The following EIF2AK4 variants were observed in gnomAD, a reference collection of about 807,000 sequenced individuals.
The protein encoded by EIF2AK4 is eIF-2-alpha kinase GCN2.
A neutral mutation model predicts 211.1 loss-of-function variants in EIF2AK4; 139 were observed. That is an observed-to-expected ratio of 0.66 (90% confidence interval 0.57 to 0.76). The LOEUF (loss-of-function observed/expected upper bound fraction) is 0.76, where lower values mean the gene tolerates loss of function less well. Among genes scored for constraint, EIF2AK4 ranks in the 30% least tolerant of loss-of-function variants. EIF2AK4 has a pLI of 0.00. For missense variants in EIF2AK4, 1,664 were observed against 2,043.8 expected, an observed-to-expected ratio of 0.81 and a Z score of 3.58; for synonymous variants, 710 against 751.3, an observed-to-expected ratio of 0.94 and a Z score of 0.90.
At chr15:39,937,107 T>TA (rs2034076273) in intron 1 of EIF2AK4, among the ~76,000 whole-genome samples, 1 of 152,250 alleles carries the variant, frequency 6.6e-6, no homozygotes, top group Non-Finnish European at 1.5e-5. Flanking sequence ...AATTTATAGA[T>TA]AGTTACAAAT....
In EIF2AK4 at chr15:39,953,999, C is replaced by T. The variant is rs771041367; in HGVS notation, c.594+15C>T. ...TGGCTAAGCAGGTACCCTATCAACTCCACCATAATAATTTACATTTTGCAA... is the reference window on the plus strand; with the variant it reads ...TGGCTAAGCAGGTACCCTATCAACTTCACCATAATAATTTACATTTTGCAA... On this transcript the variant is annotated intron_variant, in intron 5 of 38. Coordinates refer to ENST00000263791, the MANE Select transcript of EIF2AK4 (RefSeq NM_001013703.4). 3.0e-5 allele frequency: 47 copies of T among 1,550,854 alleles called. No homozygotes were observed. Among genetic ancestry groups the T allele is most frequent in the Non-Finnish European group, 3.9e-5 (45 of 1,154,350 alleles).
At chr15:39,946,604 G>A (rs2034230985) in intron 3 of EIF2AK4, 3 of 701,416 alleles carry the variant, frequency 4.3e-6, no homozygotes, top group Non-Finnish European at 7.8e-6. Flanking sequence ...GGGTTGGAGA[G>A]GATTGACCCC....
intron 4 of EIF2AK4, among the ~76,000 whole-genome samples, chr15:39,951,008 A>T (rs752002775): frequency 2.0e-5 from 3 of 152,210 alleles, no homozygotes; most frequent in African/African-American, 7.2e-5. Flanking sequence ...ATGAATGAAA[A>T]TAGAAAAACG....
rs746528646 is a variant in EIF2AK4, at chr15:40,000,998, T to C, written c.2933T>C (p.Ile978Thr). The change falls in exon 21 of 39, where the codon ATC becomes ACC. Residue 978 changes from isoleucine (I) to threonine (T), a missense_variant. Coordinates refer to ENST00000263791, the MANE Select transcript of EIF2AK4 (RefSeq NM_001013703.4). ...DGEHAKQKSV[I>T]SWLLNHDPAK... Reference sequence around the variant, plus strand: ...TGGGTTTTATTGTAGAAATCAGTCATCTCCTGGCTGTTGAACCACGATCCA... The same window carrying C: ...TGGGTTTTATTGTAGAAATCAGTCACCTCCTGGCTGTTGAACCACGATCCA... The C allele has an allele frequency of 1.2e-6, 2 of 1,614,164 alleles. No individual in the cohort carries two copies. Among genetic ancestry groups the C allele is most frequent in the Admixed American group, 3.3e-5 (2 of 60,020 alleles).
chr15:40,014,489 C>A (rs1444421769), intron 27 of EIF2AK4, among the ~76,000 whole-genome samples: 1 of 152,242 alleles, frequency 6.6e-6, no homozygotes, highest in African/African-American at 2.4e-5. Flanking sequence ...GAAGCAACAG[C>A]CTGAGCTGTA....
intron 18 of EIF2AK4, among the ~76,000 whole-genome samples, chr15:39,995,810 G>A (rs73388563): frequency 0.043 from 6,526 of 152,198 alleles, 518 homozygotes; most frequent in African/African-American, 0.15. Context: ...GATTACCACA[G>A]CGAAGCTGAC....
intron 4 of EIF2AK4, among the ~76,000 whole-genome samples, 184 bp downstream of exon 4, chr15:39,949,452 C>T (rs1043407353): frequency 6.6e-6 from 1 of 152,146 alleles, no homozygotes; most frequent in Non-Finnish European, 1.5e-5. Context: ...CATATCAGTA[C>T]TGTCCCTTAG....
Position 40,003,181 on chromosome 15 carries a change from CA to C in EIF2AK4, c.3236-11del, listed in dbSNP as rs753845083. ...AACCTGATGATGAGCTATTTTTTCT[CA>C]TTTGGTGTAGGAGCTGTTCAGTTGT... is the stretch of plus-strand genomic sequence containing the variant. On this transcript the variant is annotated splice_polypyrimidine_tract_variant and intron_variant, in intron 22 of 38. Coordinates refer to ENST00000263791, the MANE Select transcript of EIF2AK4 (RefSeq NM_001013703.4). 104 of 1,610,210 alleles carry C rather than the reference CA, an allele frequency of 6.5e-5. No individual in the cohort carries two copies. Among genetic ancestry groups the C allele is most frequent in the Non-Finnish European group, 7.6e-5 (90 of 1,178,778 alleles).
intron 12 of EIF2AK4, chr15:39,977,486 AGTGGACCT>A (rs1179900059): frequency 6.9e-5 from 2 of 28,882 alleles, no homozygotes; most frequent in Non-Finnish European, 1.9e-4. Flanking sequence ...CCTAACAGGC[AGTGGACCT>A]GTACCTGTCC....
chr15:39,939,765 A>G, intron 2 of EIF2AK4, 148 bp downstream of exon 2: 1 of 564,214 alleles, frequency 1.8e-6, no homozygotes, highest in South Asian at 3.4e-5. Flanking sequence ...CTACATCAGC[A>G]ATAGATGTTT....
intron 9 of EIF2AK4, among the ~76,000 whole-genome samples, chr15:39,968,711 C>A (rs1365333704): frequency 6.6e-6 from 1 of 152,144 alleles, no homozygotes; most frequent in African/African-American, 2.4e-5. Context: ...CTTCCATTTG[C>A]AACATTTCTT....
chr15:39,937,759 C>T (rs1318621272), intron 1 of EIF2AK4, among the ~76,000 whole-genome samples: 1 of 152,068 alleles, frequency 6.6e-6, no homozygotes, highest in Non-Finnish European at 1.5e-5. Flanking sequence ...AAGTACGGGC[C>T]TAGGCCACCT....
intron 6 of EIF2AK4, among the ~76,000 whole-genome samples, chr15:39,961,045 C>A (rs1436278): frequency 0.074 from 11,204 of 152,118 alleles, 768 homozygotes; most frequent in Admixed American, 0.2. Context: ...CCCTGCAACC[C>A]TCTCCCCTAA....
At chr15:39,974,206 C>T (rs906844733) in intron 11 of EIF2AK4, 4 of 152,858 alleles carry the variant, frequency 2.6e-5, no homozygotes, top group African/African-American at 9.7e-5. Context: ...ATTATTGGGA[C>T]AGGAAAGTAG....
At chr15:39,981,831 G>A (rs2034792550) in intron 13 of EIF2AK4, among the ~76,000 whole-genome samples, 1 of 151,874 alleles carries the variant, frequency 6.6e-6, no homozygotes, top group African/African-American at 2.4e-5. Flanking sequence ...TATGGGAAGT[G>A]TCCTAGAGGG....
rs1595404555 is a variant in EIF2AK4 at position 39,977,116 on chromosome 15, A to G, written c.2249+272A>G. 8 of 373,182 alleles carry G rather than the reference A, an allele frequency of 2.1e-5. No homozygotes were observed. In the East Asian group the frequency reaches 3.2e-4, roughly 15 times the overall value. The allele number at this position is 373,182 out of a possible 1,614,324, so 23.1% of individuals were successfully genotyped here. The stretch of plus-strand genomic sequence containing the variant: ...AAAGGGGATTCATTTAGAAATCCAG[A>G]CGTGTTGACCATGTTTAAAAACAAA... On this transcript the variant is annotated intron_variant, in intron 12 of 38. Transcript: ENST00000263791.
At chr15:39,972,761 C>T in intron 9 of EIF2AK4, 147 bp from the exon 10 acceptor site, 1 of 602,286 alleles carries the variant, frequency 1.7e-6, no homozygotes, top group Non-Finnish European at 2.9e-6. Flanking sequence ...AATTTAAATT[C>T]ACCTATGAGA....
At chr15:39,988,865 G>A (rs939784860) in intron 15 of EIF2AK4, among the ~76,000 whole-genome samples, 5 of 152,102 alleles carry the variant, frequency 3.3e-5, no homozygotes, top group East Asian at 1.9e-4. Context: ...GCTGAGTGTC[G>A]TGGTGCACAC....
chr15:39,998,799 C>G lies in EIF2AK4; in HGVS notation c.2922+15C>G. 3 of 1,602,050 alleles carry G rather than the reference C, an allele frequency of 1.9e-6. No homozygotes were observed. The highest frequency in any genetic ancestry group is 2.6e-6 in the Non-Finnish European group (3 of 1,171,230). On this transcript the variant is annotated intron_variant, in intron 20 of 38. Transcript: ENST00000263791. The stretch of plus-strand genomic sequence containing the variant: ...ATGCAAAGCAGGTAATTTTCTGATG[C>G]GTCAATTACTATGTCTTCAGTCTTG...
Sources: gnomAD v4.1 joint callset for allele counts (sites outside exome capture counted in the v4.1 genomes callset) on GRCh38, gnomAD v4.1.1 for gene constraint, MANE v1.5 for transcripts, NCBI Gene and HGNC (gene_info 2026-07-23, HGNC 2026-07-21) for gene names.